Variants in CENPQ observed in about 807,000 individuals in gnomAD.
The protein encoded by CENPQ is centromere protein Q.
A neutral mutation model predicts 36.6 loss-of-function variants in CENPQ; 27 were observed. That is an observed-to-expected ratio of 0.74 (90% CI 0.54 to 1.02). The LOEUF (loss-of-function observed/expected upper bound fraction) is 1.02. Among genes scored for constraint, CENPQ ranks in the 50% least tolerant of loss-of-function variants. The pLI, the probability that CENPQ is intolerant of heterozygous loss-of-function variation, is 0.00. For synonymous variants in CENPQ, 101 were observed against 101.7 expected (o/e 0.99, Z 0.04); for missense variants, 306 against 301.8 (o/e 1.01, Z -0.10).
At chr6:49,470,796 T>C (rs1768113620) in intron 2 of CENPQ, among the ~76,000 whole-genome samples, 178 bp from the exon 3 acceptor site, 2 of 152,224 alleles carry the variant, frequency 1.3e-5, no homozygotes, top group Admixed American at 1.3e-4. Context: ...TGCTTTAGTA[T>C]GTCCTCTCTG....
intron 8 of CENPQ, among the ~76,000 whole-genome samples, chr6:49,491,846 T>C (rs1188715491): frequency 1.3e-5 from 2 of 152,076 alleles, no homozygotes; most frequent in Non-Finnish European, 2.9e-5. Context: ...ACCTGGGAGC[T>C]GGAGGTTGCA....
chr6:49,480,274 A>G (rs1282004011), intron 5 of CENPQ, among the ~76,000 whole-genome samples: 1 of 152,164 alleles, frequency 6.6e-6, no homozygotes, highest in Admixed American at 6.5e-5. Flanking sequence ...TCAAGAATCA[A>G]ATCTGGGAAA....
At chr6:49,489,923 TG>T (rs1445874061) in intron 8 of CENPQ, among the ~76,000 whole-genome samples, 1 of 152,218 alleles carries the variant, frequency 6.6e-6, no homozygotes, top group Non-Finnish European at 1.5e-5. Context: ...ATCCAGGCTT[TG>T]TTGTTCCATT....
intron 6 of CENPQ, among the ~76,000 whole-genome samples, chr6:49,484,636 T>C (rs960417991): frequency 1.3e-5 from 2 of 152,218 alleles, no homozygotes; most frequent in African/African-American, 4.8e-5. Flanking sequence ...AATTCAAAGG[T>C]AACAATTCAT....
rs78172334 is a variant in CENPQ, at chr6:49,465,292, C to A, written c.-19+1839C>A. 6.9e-3 allele frequency among the ~76,000 whole-genome samples: 1,056 copies of A among 152,282 alleles called. 19 individuals are homozygous for A. The highest frequency in any genetic ancestry group is 0.024 in the African/African-American group (1,013 of 41,546). ...TGCTGTAAACAGATGTGCTGTCACT[C>A]ATGCTTTGTTCTTCCATTTCCAGAG... On this transcript the variant is annotated intron_variant, in intron 1 of 8. Coordinates refer to ENST00000335783, the MANE Select transcript of CENPQ (RefSeq NM_018132.4).
At chr6:49,480,864 A>C in intron 5 of CENPQ, 87 bp from the exon 6 acceptor site, 1 of 901,238 alleles carries the variant, frequency 1.1e-6, no homozygotes, top group Non-Finnish European at 1.6e-6. Flanking sequence ...CCTTAAGAAT[A>C]TGAGGACAAG....
intron 6 of CENPQ, among the ~76,000 whole-genome samples, chr6:49,481,936 C>T (rs1423602382): frequency 6.6e-6 from 1 of 152,174 alleles, no homozygotes; most frequent in Non-Finnish European, 1.5e-5. Flanking sequence ...GAGGCTCAGG[C>T]ATGGCGGGCT....
chr6:49,472,911 C>T (rs1768179649), intron 5 of CENPQ, 53 bp downstream of exon 5: 2 of 1,185,730 alleles, frequency 1.7e-6, no homozygotes, highest in Non-Finnish European at 1.1e-6. Context: ...AAAAACCTGA[C>T]TTCTTTCTAT....
In CENPQ at chr6:49,472,790, G is replaced by T; in HGVS notation, c.279G>T (p.Met93Ile). The T allele has an allele frequency of 7.0e-7, 1 of 1,435,862 alleles. No individual in the cohort carries two copies. The highest frequency in any genetic ancestry group is 9.4e-7 in the Non-Finnish European group (1 of 1,065,676). The allele number at this position is 1,435,862 out of a possible 1,614,324, so 88.9% of individuals were successfully genotyped here. ...TATTCCATCTTTTTTTCTTTTCTAGGACAATTTTGAGTAACAGTATTAAAG... is the reference window on the plus strand; with the variant it reads ...TATTCCATCTTTTTTTCTTTTCTAGTACAATTTTGAGTAACAGTATTAAAG... ...HLQTMMESVI[M>I]TILSNSIKEK... Residue 93 changes from methionine (M) to isoleucine (I), a missense_variant and splice_region_variant, in exon 5 of 9, where the codon ATG becomes ATT. By Grantham distance (10) the Met-to-Ile change is conservative. Transcript: ENST00000335783.
intron 1 of CENPQ, among the ~76,000 whole-genome samples, chr6:49,467,029 A>G (rs1281548347): frequency 1.3e-5 from 2 of 152,196 alleles, no homozygotes. Flanking sequence ...GTATTCTAGC[A>G]TCTGACGGTC....
chr6:49,473,605 G>A (rs1768198194), intron 5 of CENPQ, among the ~76,000 whole-genome samples: 1 of 152,122 alleles, frequency 6.6e-6, no homozygotes, highest in Non-Finnish European at 1.5e-5. Flanking sequence ...GGAAGAAACT[G>A]CATCAACTAA....
At chr6:49,478,974 T>A (rs556957026) in intron 5 of CENPQ, among the ~76,000 whole-genome samples, 1 of 152,182 alleles carries the variant, frequency 6.6e-6, no homozygotes, top group Non-Finnish European at 1.5e-5. Flanking sequence ...GAGCAGTGAA[T>A]GACTCTTCCA....
intron 5 of CENPQ, among the ~76,000 whole-genome samples, chr6:49,475,080 AAGG>A (rs1768251144): frequency 6.6e-6 from 1 of 152,188 alleles, no homozygotes; most frequent in Admixed American, 6.5e-5. Flanking sequence ...CCAGAGATAC[AAGG>A]AGGAGCTGGA....
intron 5 of CENPQ, among the ~76,000 whole-genome samples, chr6:49,474,098 A>G (rs1768214220): frequency 6.6e-6 from 1 of 152,184 alleles, no homozygotes; most frequent in African/African-American, 2.4e-5. Context: ...TGTCAACACT[A>G]GACAGACCAA....
intron 8 of CENPQ, among the ~76,000 whole-genome samples, chr6:49,490,956 A>G (rs1338962169): frequency 6.6e-6 from 1 of 152,218 alleles, no homozygotes; most frequent in East Asian, 1.9e-4. Context: ...ATACCGTAAT[A>G]ATTTTTAAAG....
At chr6:49,474,568 A>G (rs1347347174) in intron 5 of CENPQ, among the ~76,000 whole-genome samples, 2 of 152,194 alleles carry the variant, frequency 1.3e-5, no homozygotes, top group Non-Finnish European at 2.9e-5. Flanking sequence ...GAAAGCAGGA[A>G]AAATTGACAC....
chr6:49,469,621 G>T (rs1305236278), intron 1 of CENPQ, among the ~76,000 whole-genome samples: 1 of 152,128 alleles, frequency 6.6e-6, no homozygotes, highest in Non-Finnish European at 1.5e-5. Context: ...TAGGATTGCA[G>T]TTTAAATTCT....
chr6:49,478,817 C>A (rs1474401733), intron 5 of CENPQ, among the ~76,000 whole-genome samples: 1 of 152,130 alleles, frequency 6.6e-6, no homozygotes, highest in Non-Finnish European at 1.5e-5. Flanking sequence ...TCTAAAGGAA[C>A]ATACTTCCAG....
intron 8 of CENPQ, among the ~76,000 whole-genome samples, chr6:49,490,563 T>C (rs1452991924): frequency 6.6e-6 from 1 of 152,246 alleles, no homozygotes; most frequent in Non-Finnish European, 1.5e-5. Context: ...TTCAAGAACT[T>C]TTCCTTTGCA....
Sources: allele counts gnomAD v4.1 joint callset (sites outside exome capture counted in the v4.1 genomes callset), GRCh38; gene constraint gnomAD v4.1.1; transcripts MANE v1.5; gene names NCBI Gene and HGNC (gene_info 2026-07-23, HGNC 2026-07-21).